The following ZNF875 variants were observed in gnomAD, a reference collection of about 807,000 sequenced individuals.
ZNF875 encodes HKR1, GLI-Kruppel zinc finger family member.
Under a neutral mutation model 11.2 loss-of-function variants are expected in ZNF875, and 14 were observed. The ratio of observed to expected loss-of-function variants is 1.26; its 90% confidence interval spans 0.83 to 1.96. ZNF875 has a LOEUF of 1.96. Ranked by LOEUF, ZNF875 falls within the 30% of genes most tolerant of loss-of-function variation. The probability of loss-of-function intolerance (pLI) is 0.00; values close to 1 mark genes in which losing one functional copy is unlikely to be tolerated. For synonymous variants in ZNF875, 301 were observed against 281.1 expected (o/e 1.07, Z -0.71); for missense variants, 752 against 760.4 (o/e 0.99, Z 0.13).
At chr19:37,357,186 T>C (rs572645630) in intron 4 of ZNF875, among the ~76,000 whole-genome samples, 1 of 152,372 alleles carries the variant, frequency 6.6e-6, no homozygotes, top group South Asian at 2.1e-4. Flanking sequence ...TCTATATGTC[T>C]ATTTTTGTAC....
intron 4 of ZNF875, chr19:37,361,905 A>G: frequency 1.9e-6 from 1 of 531,106 alleles, no homozygotes; most frequent in Non-Finnish European, 3.2e-6. Context: ...TGAAAGAAAG[A>G]CTCCGTTTAA....
intron 2 of ZNF875, among the ~76,000 whole-genome samples, chr19:37,336,635 G>T (rs999570950): frequency 6.6e-6 from 1 of 151,646 alleles, no homozygotes; most frequent in Non-Finnish European, 1.5e-5. Context: ...TTGGCCAGGC[G>T]TGGTGGCTCA....
At chr19:37,319,357 A>ATG (rs1269960140) in intron 1 of ZNF875, among the ~76,000 whole-genome samples, 1 of 143,474 alleles carries the variant, frequency 7.0e-6, no homozygotes, top group Non-Finnish European at 1.5e-5. Flanking sequence ...ATATATATAT[A>ATG]TATATATATA....
intron 2 of ZNF875, chr19:37,344,926 C>T (rs2036484379): frequency 4.7e-6 from 3 of 642,368 alleles, no homozygotes; most frequent in South Asian, 1.7e-5. Flanking sequence ...TAGCCTTTTT[C>T]TCTCCAGTGT....
intron 1 of ZNF875, among the ~76,000 whole-genome samples, chr19:37,319,344 C>CATATATATTTATAT (rs1555790746): frequency 8.9e-6 from 1 of 112,350 alleles, no homozygotes; most frequent in African/African-American, 4.2e-5. Context: ...CTGCAGCCGG[C>CATATATATTTATAT]ATATATATAT....
upstream of ZNF875, among the ~76,000 whole-genome samples, chr19:37,333,701 C>T (rs2033751470): frequency 3.9e-5 from 6 of 152,058 alleles, no homozygotes; most frequent in Admixed American, 3.9e-4. Context: ...TCCTAAGGGA[C>T]TTTCTGGCTG....
intron 2 of ZNF875, among the ~76,000 whole-genome samples, chr19:37,338,911 A>G (rs961287456): frequency 6.6e-6 from 1 of 152,248 alleles, no homozygotes; most frequent in Non-Finnish European, 1.5e-5. Flanking sequence ...TTAGGACATT[A>G]GGTATTACTG....
chr19:37,345,924 G>GT (rs2146238142), intron 2 of ZNF875, among the ~76,000 whole-genome samples: 1 of 152,190 alleles, frequency 6.6e-6, no homozygotes, highest in South Asian at 2.1e-4. Flanking sequence ...AGCTTTCTAG[G>GT]TAGCAGAGGT....
At chr19:37,343,132 T>G (rs929703464) in intron 2 of ZNF875, among the ~76,000 whole-genome samples, 3 of 151,462 alleles carry the variant, frequency 2.0e-5, no homozygotes, top group African/African-American at 7.3e-5. Flanking sequence ...AGGTCAGGAG[T>G]TCGAGACCAG....
rs372946836 is a variant in ZNF875 at position 37,362,103 on chromosome 19, C to T, written c.257-6C>T. ...GGCCCCTCTGAAAATGTTCTTTCTTCAGCAGAATCGAAGCCAGAAATTCAA... is the reference window on the plus strand; with the variant it reads ...GGCCCCTCTGAAAATGTTCTTTCTTTAGCAGAATCGAAGCCAGAAATTCAA... On this transcript the variant is annotated splice_polypyrimidine_tract_variant and splice_region_variant and intron_variant, in intron 4 of 4. Coordinates refer to ENST00000392153, the MANE Select transcript of ZNF875 (RefSeq NM_001353803.2). The T allele has an allele frequency of 5.0e-6, 8 of 1,604,322 alleles. No individual in the cohort carries two copies. The Admixed American group carries it at 1.4e-4, about 27-fold the overall frequency.
chr19:37,334,514 A>G, upstream of ZNF875: 1 of 355,138 alleles, frequency 2.8e-6, no homozygotes, highest in Non-Finnish European at 5.6e-6. Flanking sequence ...CGCTGTGCAG[A>G]TGTCAGTCAC....
chr19:37,343,774 T>G (rs1389904887), intron 2 of ZNF875, among the ~76,000 whole-genome samples: 1 of 152,096 alleles, frequency 6.6e-6, no homozygotes, highest in Non-Finnish European at 1.5e-5. Flanking sequence ...AGGAGGAGAC[T>G]GCATGAAGGG....
intron 4 of ZNF875, among the ~76,000 whole-genome samples, chr19:37,354,489 A>G (rs1320361637): frequency 6.6e-6 from 1 of 151,642 alleles, no homozygotes; most frequent in Non-Finnish European, 1.5e-5. Context: ...TGACCATTTC[A>G]GTCTGCTGGC....
chr19:37,340,952 G>A (rs1384455570), intron 2 of ZNF875, among the ~76,000 whole-genome samples: 3 of 152,128 alleles, frequency 2.0e-5, no homozygotes, highest in African/African-American at 7.2e-5. Flanking sequence ...CTGGCCTTGT[G>A]TACTTTTAAC....
At chr19:37,344,046 T>C (rs1296115183) in intron 2 of ZNF875, among the ~76,000 whole-genome samples, 1 of 152,136 alleles carries the variant, frequency 6.6e-6, no homozygotes, top group Non-Finnish European at 1.5e-5. Flanking sequence ...CCAGGCTGGT[T>C]CCCCTCAAAG....
chr19:37,344,478 C>T (rs2036382941), intron 2 of ZNF875: 1 of 524,736 alleles, frequency 1.9e-6, no homozygotes, highest in Non-Finnish European at 3.5e-6. Context: ...GCCCATGTTT[C>T]TGAGCATCAG....
At chr19:37,314,460 A>T (rs571702122), upstream of ZNF875, among the ~76,000 whole-genome samples, 11 of 152,330 alleles carry the variant, frequency 7.2e-5, no homozygotes, top group Non-Finnish European at 1.3e-4. Flanking sequence ...TCTAATGGAA[A>T]ATTTCCACTG....
Position 37,362,405 on chromosome 19 carries a change from C to T in ZNF875, c.553C>T (p.Gln185Ter). ...ACTTTCCAGCCCACCTGAAGAACAACAGCCAGCACAGTCCAAGGAAGACAA... is the reference window on the plus strand; with the variant it reads ...ACTTTCCAGCCCACCTGAAGAACAATAGCCAGCACAGTCCAAGGAAGACAA... ...KALSSPPEEQ[Q>*]PAQSKEDNTV... is the part of the protein sequence containing the mutation. The change falls in exon 5 of 5, where the codon CAG becomes TAG. Residue 185 changes from glutamine (Q) to a stop codon, truncating the protein, a stop_gained. Coordinates refer to ENST00000392153, the MANE Select transcript of ZNF875 (RefSeq NM_001353803.2). LOFTEE classifies it low-confidence loss of function (END_TRUNC). 1 of 1,614,144 alleles carries T rather than the reference C, an allele frequency of 6.2e-7. No individual in the cohort carries two copies. Among genetic ancestry groups the T allele is most frequent in the Non-Finnish European group, 8.5e-7 (1 of 1,180,036 alleles).
chr19:37,359,428 G>A, intron 4 of ZNF875: 1 of 227,872 alleles, frequency 4.4e-6, no homozygotes, highest in South Asian at 4.1e-5. Context: ...TTTTTTAGAT[G>A]GAGCCTTGCT....
Sources: gnomAD v4.1 joint callset for allele counts (sites outside exome capture counted in the v4.1 genomes callset) on GRCh38, gnomAD v4.1.1 for gene constraint, MANE v1.5 for transcripts, NCBI Gene and HGNC (gene_info 2026-07-23, HGNC 2026-07-21) for gene names.